LMX1B: variants seen among roughly 807,000 people sequenced by gnomAD.
LMX1B encodes LIM homeobox transcription factor 1 beta.
LMX1B carries 12 observed loss-of-function variants against 51.4 expected under a neutral mutation model. The ratio of observed to expected loss-of-function variants is 0.23; its 90% CI spans 0.15 to 0.38. The LOEUF is 0.38. Ranked by LOEUF, LMX1B falls within the 10% of genes least tolerant of loss-of-function variation. The pLI is 1.00. For missense variants in LMX1B, 445 were observed against 571.1 expected, an observed-to-expected ratio of 0.78 and a Z score of 2.25; for synonymous variants, 237 against 235.4, an observed-to-expected ratio of 1.01 and a Z score of -0.06.
rs1184329562 is a variant in LMX1B at position 126,618,859 on chromosome 9, C to T, written c.326+3290C>T. Among the ~76,000 whole-genome samples, 13 of 152,070 alleles carry T rather than the reference C, an allele frequency of 8.5e-5. No individual in the cohort carries two copies. ...AAATGGAGTCTAATCGCTTGTAAGA[C>T]AGCTCCCAGGTTTGGCGACCCGAGA... On this transcript the variant is annotated intron_variant, in intron 2 of 7. Transcript: ENST00000373474. The surrounding 1 kb of genome is among the most constrained non-coding windows in gnomAD (Gnocchi z 4.5).
chr9:126,677,036 G>A lies in LMX1B; in HGVS notation c.327-13800G>A, dbSNP rs1027136749. ...TGATTAAGCGGCTCAGGCAGGCAGCGGGCGGCTGGGGCGGGGCATGGGGCG... is the reference window on the plus strand; with the variant it reads ...TGATTAAGCGGCTCAGGCAGGCAGCAGGCGGCTGGGGCGGGGCATGGGGCG... On this transcript the variant is annotated intron_variant, in intron 2 of 7. Transcript: ENST00000373474. The surrounding 1 kb of genome is among the most constrained non-coding windows in gnomAD (Gnocchi z 5.0). Among the ~76,000 whole-genome samples, 6 of 152,316 alleles carry A rather than the reference G, an allele frequency of 3.9e-5. No homozygotes were observed. The highest frequency in any genetic ancestry group is 2.1e-4 in the South Asian group (1 of 4,828).
intron 2 of LMX1B, among the ~76,000 whole-genome samples, chr9:126,620,231 G>C (rs965823789): frequency 6.6e-6 from 1 of 152,112 alleles, no homozygotes. Flanking sequence ...CTTTCCCTTC[G>C]TAGGACACTG....
In LMX1B at chr9:126,698,963, G is replaced by C. The variant is rs1052114868; in HGVS notation, c.*2512G>C. 3 of 152,266 alleles carry C rather than the reference G, an allele frequency of 2.0e-5. No homozygotes were observed. In the South Asian group the frequency reaches 6.2e-4, roughly 32 times the overall value. 9.4% of individuals were successfully genotyped at this position (152,266 alleles called of 1,614,324 possible). A position where few individuals can be genotyped will look rare whatever the true frequency, so the allele number is the denominator to read the frequency against. ...CAGTTGATGTTCTGGTCCTTCTGCC[G>C]CCTCAGCCCACCAGGGTCCGTGCCA... On this transcript the variant is annotated 3_prime_UTR_variant, in exon 8 of 8. Coordinates refer to ENST00000373474, the MANE Select transcript of LMX1B (RefSeq NM_001174147.2).
At chr9:126,643,479 T>A (rs1336599019) in intron 2 of LMX1B, among the ~76,000 whole-genome samples, 1 of 152,184 alleles carries the variant, frequency 6.6e-6, no homozygotes, top group Non-Finnish European at 1.5e-5. Flanking sequence ...GCCTCCTCTC[T>A]AACTGGGGAG....
chr9:126,692,052 G>C (rs1040861594), intron 3 of LMX1B, among the ~76,000 whole-genome samples: 2 of 152,306 alleles, frequency 1.3e-5, no homozygotes, highest in East Asian at 1.9e-4. Flanking sequence ...GAGGTGTCCC[G>C]GTCTGCCAGG....
chr9:126,671,983 C>A lies in LMX1B; in HGVS notation c.327-18853C>A, dbSNP rs181527103. 1.3e-5 allele frequency among the ~76,000 whole-genome samples: 2 copies of A among 152,240 alleles called. No homozygotes were observed. The highest frequency in any genetic ancestry group is 4.8e-5 in the African/African-American group (2 of 41,466). On this transcript the variant is annotated intron_variant, in intron 2 of 7. Coordinates refer to ENST00000373474, the MANE Select transcript of LMX1B (RefSeq NM_001174147.2). This position sits in a 1 kb window ranked among gnomAD's most constrained non-coding sequence, Gnocchi z 4.4. Reference sequence around the variant, plus strand: ...TATTAAAAACCAGCCTTGATGCTCCCGAGCCCCAGCTGTGGCCGTGATGGG... The same window carrying A: ...TATTAAAAACCAGCCTTGATGCTCCAGAGCCCCAGCTGTGGCCGTGATGGG...
intron 2 of LMX1B, among the ~76,000 whole-genome samples, chr9:126,670,828 A>AT (rs1289081526): frequency 2.2e-4 from 33 of 152,232 alleles, no homozygotes; most frequent in African/African-American, 8.0e-4. Flanking sequence ...AGTTTATTTC[A>AT]TTATATGGCG....
chr9:126,662,148 T>G (rs1181787002), intron 2 of LMX1B, among the ~76,000 whole-genome samples: 1 of 152,182 alleles, frequency 6.6e-6, no homozygotes, highest in Non-Finnish European at 1.5e-5. Flanking sequence ...GTTTGCCCGC[T>G]GTGTGTCCTT....
In LMX1B at chr9:126,618,412, A is replaced by G. The variant is rs1191924226; in HGVS notation, c.326+2843A>G. 1.3e-5 allele frequency among the ~76,000 whole-genome samples: 2 copies of G among 152,212 alleles called. No homozygotes were observed. The highest frequency in any genetic ancestry group is 2.9e-5 in the Non-Finnish European group (2 of 68,028). On this transcript the variant is annotated intron_variant, in intron 2 of 7. Transcript: ENST00000373474. The surrounding 1 kb of genome is among the most constrained non-coding windows in gnomAD (Gnocchi z 4.5). Reference sequence around the variant, plus strand: ...GGGGCACATTGAGCCGAATTTGATAAAAATCCTCTTGTACATCCTTGGCGG... The same window carrying G: ...GGGGCACATTGAGCCGAATTTGATAGAAATCCTCTTGTACATCCTTGGCGG...
At position 126,677,571 on chromosome 9, in the gene LMX1B, G is replaced by C. The variant is rs1162356223; in HGVS notation, c.327-13265G>C. On this transcript the variant is annotated intron_variant, in intron 2 of 7. Coordinates refer to ENST00000373474, the MANE Select transcript of LMX1B (RefSeq NM_001174147.2). This position sits in a 1 kb window ranked among gnomAD's most constrained non-coding sequence, Gnocchi z 5.0. ...GGTGGTTACCAGCCCAGCTGACCTG[G>C]GGCCCCAGCTCTGCATTTCACCAGC... Among the ~76,000 whole-genome samples, 1 of 152,148 alleles carries C rather than the reference G, an allele frequency of 6.6e-6. No individual in the cohort carries two copies. The highest frequency in any genetic ancestry group is 1.5e-5 in the Non-Finnish European group (1 of 68,026).
In LMX1B at chr9:126,693,804, T is replaced by C; in HGVS notation, c.878T>C (p.Leu293Pro). ...CAGGAGCAGCAGAACTCCCAGCGGC[T>C]GGGCCAGGGTGAGCCGGGGCCGGGG... ...QQQEQQNSQR[L>P]GQEVLSSRME... Residue 293 changes from leucine to proline, a missense_variant, in exon 6 of 8, where the codon CTG (leucine) becomes CCG (proline). By Grantham distance (98) the Leu-to-Pro change is moderately conservative. Coordinates refer to ENST00000373474, the MANE Select transcript of LMX1B (RefSeq NM_001174147.2). 1 of 1,354,964 alleles carries C rather than the reference T, an allele frequency of 7.4e-7. No individual in the cohort carries two copies. 83.9% of individuals were successfully genotyped at this position (1,354,964 alleles called of 1,614,324 possible).
intron 2 of LMX1B, among the ~76,000 whole-genome samples, chr9:126,651,362 G>A (rs1836002846): frequency 6.6e-6 from 1 of 151,900 alleles, no homozygotes; most frequent in South Asian, 2.1e-4. Flanking sequence ...AGACCCCGAG[G>A]GCTGCCATCC....
chr9:126,660,909 T>C (rs1836231706), intron 2 of LMX1B, among the ~76,000 whole-genome samples: 1 of 152,146 alleles, frequency 6.6e-6, no homozygotes, highest in Non-Finnish European at 1.5e-5. Flanking sequence ...GGAGACGCCA[T>C]GATAGGGGAC....
intron 2 of LMX1B, 62 bp from the exon 3 acceptor site, chr9:126,690,774 A>T: frequency 7.0e-7 from 1 of 1,421,988 alleles, no homozygotes; most frequent in Non-Finnish European, 9.6e-7. Context: ...GGCCCTCGGC[A>T]GGAGTGGCCT....
In LMX1B at chr9:126,658,566, G is replaced by A. The variant is rs757381914; in HGVS notation, c.327-32270G>A. ...GCTCTCCTCAGAAGAAGGTGGCCTC[G>A]CCCCTCATCCATCATGCCTCTAAGT... is the stretch of plus-strand genomic sequence containing the variant. On this transcript the variant is annotated intron_variant, in intron 2 of 7. Coordinates refer to ENST00000373474, the MANE Select transcript of LMX1B (RefSeq NM_001174147.2). This position sits in a 1 kb window ranked among gnomAD's most constrained non-coding sequence, Gnocchi z 4.0. 6.6e-6 allele frequency among the ~76,000 whole-genome samples: 1 copy of A among 152,188 alleles called. No homozygotes were observed. Among genetic ancestry groups the A allele is most frequent in the South Asian group, 2.1e-4 (1 of 4,834 alleles).
chr9:126,631,003 C>A (rs777984599), intron 2 of LMX1B, among the ~76,000 whole-genome samples: 2 of 152,254 alleles, frequency 1.3e-5, no homozygotes, highest in South Asian at 4.1e-4. Flanking sequence ...GCTCGGCCCC[C>A]TCCCACGTGC....
In LMX1B at chr9:126,621,640, C is replaced by T. The variant is rs191555458; in HGVS notation, c.326+6071C>T. On this transcript the variant is annotated intron_variant, in intron 2 of 7. Transcript: ENST00000373474. ...TTCCCCGGTGGCCTATAGGGTTTTT[C>T]TCTCTCTCTCTCTTCTTTTTTTTTT... Among the ~76,000 whole-genome samples the T allele has an allele frequency of 3.9e-3, 364 of 94,150 alleles. 2 individuals are homozygous for T. Among genetic ancestry groups the T allele is most frequent in the African/African-American group, 0.011 (338 of 30,720 alleles). 61.8% of individuals were successfully genotyped at this position (94,150 alleles called of 152,430 possible). A position where few individuals can be genotyped will look rare whatever the true frequency, so the allele number is the denominator to read the frequency against.
intron 2 of LMX1B, among the ~76,000 whole-genome samples, chr9:126,627,714 C>T (rs946838260): frequency 6.6e-6 from 1 of 152,138 alleles, no homozygotes; most frequent in Admixed American, 6.5e-5. Flanking sequence ...CTCACAGGGA[C>T]CTTGGGCTGC....
At chr9:126,633,618 C>T (rs955993004) in intron 2 of LMX1B, among the ~76,000 whole-genome samples, 1 of 152,092 alleles carries the variant, frequency 6.6e-6, no homozygotes, top group Admixed American at 6.5e-5. Flanking sequence ...TAGTACCCTC[C>T]GGGAGATGGG....
Sources: gnomAD v4.1 joint callset for allele counts (sites outside exome capture counted in the v4.1 genomes callset) on GRCh38, gnomAD v4.1.1 for gene constraint, Gnocchi (gnomAD v3.1) non-coding constraint, MANE v1.5 for transcripts, NCBI Gene and HGNC (gene_info 2026-07-23, HGNC 2026-07-21) for gene names.